The following PLGRKT variants were observed in gnomAD, a reference collection of about 807,000 sequenced individuals.
The protein encoded by PLGRKT is plasminogen receptor (KT).
A neutral mutation model predicts 18.5 loss-of-function variants in PLGRKT; 22 were observed. The ratio of observed to expected loss-of-function variants is 1.19; its 90% CI spans 0.85 to 1.70. PLGRKT has a LOEUF of 1.70. Among genes scored for constraint, PLGRKT ranks in the 40% most tolerant of loss-of-function variants. The pLI is 0.00. For synonymous variants in PLGRKT, 72 were observed against 52.8 expected (o/e 1.36, Z -1.58); for missense variants, 235 against 174.4 (o/e 1.35, Z -1.96).
chr9:5,364,589 C>A (rs972095533), intron 3 of PLGRKT, among the ~76,000 whole-genome samples: 3 of 152,158 alleles, frequency 2.0e-5, no homozygotes, highest in African/African-American at 4.8e-5. Flanking sequence ...ATGTGTGGCA[C>A]AACCTCAATG....
chr9:5,432,523 G>T (rs756287613), intron 2 of PLGRKT, among the ~76,000 whole-genome samples: 4 of 126,286 alleles, frequency 3.2e-5, no homozygotes, highest in Non-Finnish European at 6.3e-5. Flanking sequence ...CTCTTTCTAC[G>T]GTCTCCCTCT....
In PLGRKT at chr9:5,399,161, A is replaced by G. The variant is rs973017318; in HGVS notation, c.81+32736T>C. Among the ~76,000 whole-genome samples the G allele has an allele frequency of 1.2e-4, 18 of 151,894 alleles. 1 individual carries two copies. Among genetic ancestry groups the G allele is most frequent in the African/African-American group, 2.2e-4 (9 of 41,194 alleles). On this transcript the variant is annotated intron_variant, in intron 3 of 5. Coordinates refer to ENST00000223864, the MANE Select transcript of PLGRKT (RefSeq NM_018465.4). ...CTAGCTTAAGATAGTATCTGTCTCAATCATCTGGCTGCTTCCTGGAGTCTC... is the reference window on the plus strand; with the variant it reads ...CTAGCTTAAGATAGTATCTGTCTCAGTCATCTGGCTGCTTCCTGGAGTCTC...
At chr9:5,407,851 T>C (rs144181989) in intron 3 of PLGRKT, among the ~76,000 whole-genome samples, 1 of 152,234 alleles carries the variant, frequency 6.6e-6, no homozygotes. Context: ...CAAAATGCTA[T>C]TGCCACTCTT....
intron 3 of PLGRKT, chr9:5,382,180 C>G (rs536294281): frequency 8.6e-5 from 20 of 233,436 alleles, no homozygotes; most frequent in African/African-American, 4.6e-4. Flanking sequence ...ATGGAGAGTT[C>G]AGGCAGTCTC....
intron 3 of PLGRKT, among the ~76,000 whole-genome samples, chr9:5,420,485 G>C (rs1166163036): frequency 6.6e-6 from 1 of 152,188 alleles, no homozygotes; most frequent in Non-Finnish European, 1.5e-5. Context: ...ACGGCAGGTA[G>C]TGGGGACAGG....
chr9:5,384,661 A>G (rs1300513270), intron 3 of PLGRKT, among the ~76,000 whole-genome samples: 1 of 152,168 alleles, frequency 6.6e-6, no homozygotes, highest in Non-Finnish European at 1.5e-5. Flanking sequence ...AAGAATGACC[A>G]TGTAAACATG....
rs183461662 is a variant in PLGRKT at position 5,396,345 on chromosome 9, G to T, written c.82-34457C>A. Among the ~76,000 whole-genome samples, 5 of 151,854 alleles carry T rather than the reference G, an allele frequency of 3.3e-5. No homozygotes were observed. The East Asian group carries it at 9.7e-4, about 29-fold the overall frequency. Reference sequence around the variant, plus strand: ...CTGTAGCCCAGGCTGGAGTACAATGGTGTGATCTCGGCTCACTGCAACCTC... The same window carrying T: ...CTGTAGCCCAGGCTGGAGTACAATGTTGTGATCTCGGCTCACTGCAACCTC... On this transcript the variant is annotated intron_variant, in intron 3 of 5. Coordinates refer to ENST00000223864, the MANE Select transcript of PLGRKT (RefSeq NM_018465.4).
rs1366711327 is a variant in PLGRKT, at chr9:5,391,489, T to G, written c.82-29601A>C. Among the ~76,000 whole-genome samples the G allele has an allele frequency of 2.0e-5, 3 of 152,010 alleles. No individual in the cohort carries two copies. In the East Asian group the frequency reaches 5.8e-4, roughly 29 times the overall value. On this transcript the variant is annotated intron_variant, in intron 3 of 5. Transcript: ENST00000223864. ...TGTTACATGTAATGAGCTGTGCTTC[T>G]GGGTACAAAGATGACATCACACTGG...
intron 3 of PLGRKT, among the ~76,000 whole-genome samples, chr9:5,400,733 T>C (rs764052818): frequency 6.6e-6 from 1 of 152,188 alleles, no homozygotes; most frequent in African/African-American, 2.4e-5. Context: ...CATATTGTTA[T>C]TGTTTAATAA....
In PLGRKT at chr9:5,363,670, G is replaced by C. The variant is rs565991997; in HGVS notation, c.82-1782C>G. On this transcript the variant is annotated intron_variant, in intron 3 of 5. Transcript: ENST00000223864. ...ATTCTCTGTCTGGGGATCCCCAGAT[G>C]CATCTGGCTAGATGTGCCTTCCCTG... Among the ~76,000 whole-genome samples the C allele has an allele frequency of 2.0e-5, 3 of 152,248 alleles. No homozygotes were observed. The East Asian group carries it at 5.8e-4, about 29-fold the overall frequency.
intron 3 of PLGRKT, among the ~76,000 whole-genome samples, chr9:5,378,239 A>G (rs1817669601): frequency 6.6e-6 from 1 of 152,228 alleles, no homozygotes; most frequent in Non-Finnish European, 1.5e-5. Context: ...ACGGGAGATA[A>G]TAAAGGTAAT....
chr9:5,418,912 A>G lies in PLGRKT; in HGVS notation c.81+12985T>C. 3 of 870,732 alleles carry G rather than the reference A, an allele frequency of 3.4e-6. No homozygotes were observed. Among genetic ancestry groups the G allele is most frequent in the Non-Finnish European group, 5.6e-6 (3 of 533,630 alleles). The allele number at this position is 870,732 out of a possible 1,614,324, so 53.9% of individuals were successfully genotyped here. On this transcript the variant is annotated intron_variant, in intron 3 of 5. Coordinates refer to ENST00000223864, the MANE Select transcript of PLGRKT (RefSeq NM_018465.4). The surrounding 1 kb of genome is among the most constrained non-coding windows in gnomAD (Gnocchi z 4.2). ...CTTGCAATCCAGCAACTTGGCCTTCACTAGGGGCTGCAGTAATTAAAACAG... is the reference window on the plus strand; with the variant it reads ...CTTGCAATCCAGCAACTTGGCCTTCGCTAGGGGCTGCAGTAATTAAAACAG...
chr9:5,376,808 G>A (rs1355552072), intron 3 of PLGRKT, among the ~76,000 whole-genome samples: 1 of 152,138 alleles, frequency 6.6e-6, no homozygotes, highest in Admixed American at 6.5e-5. Flanking sequence ...ATTCCAATAT[G>A]CCTAACTATG....
chr9:5,374,974 C>G (rs1167214975), intron 3 of PLGRKT, among the ~76,000 whole-genome samples: 1 of 152,098 alleles, frequency 6.6e-6, no homozygotes, highest in African/African-American at 2.4e-5. Context: ...TTACAACCAG[C>G]AAATCTTAGA....
chr9:5,425,995 G>A (rs1234442243), intron 3 of PLGRKT, among the ~76,000 whole-genome samples: 1 of 152,120 alleles, frequency 6.6e-6, no homozygotes, highest in Non-Finnish European at 1.5e-5. Context: ...CTAAATCACA[G>A]GCTAAAGATG....
intron 3 of PLGRKT, among the ~76,000 whole-genome samples, chr9:5,398,124 T>A (rs555950184): frequency 4.6e-5 from 7 of 151,868 alleles, no homozygotes; most frequent in Admixed American, 1.3e-4. Flanking sequence ...ATAAGATCCC[T>A]TCCAAGTGGG....
At chr9:5,401,580 A>AT (rs1207917533) in intron 3 of PLGRKT, among the ~76,000 whole-genome samples, 1 of 151,918 alleles carries the variant, frequency 6.6e-6, no homozygotes, top group African/African-American at 2.4e-5. Flanking sequence ...CAAAAAAAAC[A>AT]TTTTTTAAGC....
intron 3 of PLGRKT, among the ~76,000 whole-genome samples, chr9:5,426,049 C>A (rs2131168898): frequency 6.6e-6 from 1 of 152,252 alleles, no homozygotes; most frequent in East Asian, 1.9e-4. Context: ...TTTAAAACTT[C>A]ATCTTTGAAG....
intron 5 of PLGRKT, among the ~76,000 whole-genome samples, chr9:5,359,904 C>G (rs1817225760): frequency 6.6e-6 from 1 of 152,140 alleles, no homozygotes; most frequent in African/African-American, 2.4e-5. Flanking sequence ...TACATGTTCA[C>G]TATACATAAA....
Sources: allele counts gnomAD v4.1 joint callset (sites outside exome capture counted in the v4.1 genomes callset), GRCh38; gene constraint gnomAD v4.1.1; non-coding constraint Gnocchi (gnomAD v3.1); transcripts MANE v1.5; gene names NCBI Gene and HGNC (gene_info 2026-07-23, HGNC 2026-07-21).